PTPRD: variants seen among roughly 807,000 people sequenced by gnomAD.
PTPRD encodes receptor-type tyrosine-protein phosphatase delta.
PTPRD carries 34 observed loss-of-function variants against 214.5 expected under a neutral mutation model. The ratio of observed to expected loss-of-function variants is 0.16; its 90% CI spans 0.12 to 0.21. The LOEUF is 0.21. PTPRD is among the 10% of genes least tolerant of loss of function. The pLI, the probability that PTPRD is intolerant of heterozygous loss-of-function variation, is 1.00. For missense variants in PTPRD, 2,545 were observed against 2,398.7 expected, an observed-to-expected ratio of 1.06 and a Z score of -1.27; for synonymous variants, 1,128 against 845.7, an observed-to-expected ratio of 1.33 and a Z score of -5.79.
intron 2 of PTPRD, among the ~76,000 whole-genome samples, chr9:10,586,792 T>C (rs2074026149): frequency 6.6e-6 from 1 of 151,974 alleles, no homozygotes; most frequent in Non-Finnish European, 1.5e-5. Context: ...CAACTTTTTT[T>C]TTTTTTTTTA....
chr9:10,216,544 T>A (rs111539900), intron 3 of PTPRD, among the ~76,000 whole-genome samples: 123 of 152,136 alleles, frequency 8.1e-4, no homozygotes, highest in African/African-American at 2.4e-3. Flanking sequence ...TATTAAATAG[T>A]ATACACATAT....
intron 7 of PTPRD, among the ~76,000 whole-genome samples, chr9:9,725,259 T>C (rs1165451838): frequency 6.6e-6 from 1 of 151,850 alleles, no homozygotes; most frequent in Non-Finnish European, 1.5e-5. Context: ...CCCATGATAG[T>C]GAATAAGTCT....
chr9:9,658,855 T>C (rs2096571291), intron 7 of PTPRD, among the ~76,000 whole-genome samples: 1 of 152,122 alleles, frequency 6.6e-6, no homozygotes, highest in Non-Finnish European at 1.5e-5. Context: ...TTATTATTGC[T>C]TATATTGAAC....
chr9:9,681,916 A>T (rs2097081488), intron 7 of PTPRD, among the ~76,000 whole-genome samples: 1 of 151,870 alleles, frequency 6.6e-6, no homozygotes. Flanking sequence ...ATTTACATTT[A>T]TATAGAAGAT....
chr9:8,856,395 A>C (rs2154544315), intron 11 of PTPRD, among the ~76,000 whole-genome samples: 1 of 152,308 alleles, frequency 6.6e-6, no homozygotes, highest in East Asian at 1.9e-4. Context: ...AAAAGAATAC[A>C]CCAAAGGATA....
At chr9:10,292,781 T>C (rs760145383) in intron 3 of PTPRD, among the ~76,000 whole-genome samples, 40 of 152,064 alleles carry the variant, frequency 2.6e-4, no homozygotes, top group Middle Eastern at 3.4e-3. Context: ...TGTTTTTTTT[T>C]CCACTATTTT....
intron 2 of PTPRD, among the ~76,000 whole-genome samples, chr9:10,502,969 T>C (rs1044955315): frequency 1.3e-5 from 2 of 152,030 alleles, no homozygotes; most frequent in East Asian, 3.9e-4. Context: ...TTCCATTGCA[T>C]TGTCCATCAA....
At chr9:8,969,805 G>T (rs1362069648) in intron 11 of PTPRD, among the ~76,000 whole-genome samples, 1 of 151,936 alleles carries the variant, frequency 6.6e-6, no homozygotes, top group African/African-American at 2.4e-5. Flanking sequence ...GTATAAAAAA[G>T]TAATAAGAAA....
rs192008740 is a variant in PTPRD, at chr9:9,829,146, T to C, written c.-367-62295A>G. ...ATTTATAAGGCATACTAAAGAATAT[T>C]ACGTAGAACATTGTATTAAAAGTTA... On this transcript the variant is annotated intron_variant, in intron 5 of 45. Transcript: ENST00000381196. 3.5e-3 allele frequency among the ~76,000 whole-genome samples: 538 copies of C among 152,006 alleles called. 2 individuals are homozygous for C. Among genetic ancestry groups the C allele is most frequent in the Non-Finnish European group, 4.4e-3 (298 of 67,880 alleles).
intron 8 of PTPRD, among the ~76,000 whole-genome samples, chr9:9,407,532 G>C (rs1395727616): frequency 6.6e-6 from 1 of 151,618 alleles, no homozygotes; most frequent in Non-Finnish European, 1.5e-5. Context: ...AGAAATTTTT[G>C]TCCTATCCTA....
rs560770897 is a variant in PTPRD at position 8,722,820 on chromosome 9, G to C, written c.64+10960C>G. ...TCTGCTTTAAAAGAAAAATAAAACT[G>C]ACCAGAGATAACGAGCTAAAAGCAG... On this transcript the variant is annotated intron_variant, in intron 12 of 45. Coordinates refer to ENST00000381196, the MANE Select transcript of PTPRD (RefSeq NM_002839.4). Among the ~76,000 whole-genome samples the C allele has an allele frequency of 3.3e-5, 5 of 152,270 alleles. No homozygotes were observed. In the East Asian group the frequency reaches 9.7e-4, roughly 29 times the overall value.
chr9:8,604,652 G>C (rs2095092534), intron 14 of PTPRD, among the ~76,000 whole-genome samples: 2 of 152,124 alleles, frequency 1.3e-5, no homozygotes, highest in South Asian at 4.1e-4. Context: ...AGCTAAATCA[G>C]ATAAATATAG....
At chr9:10,493,820 C>T (rs1464670651) in intron 2 of PTPRD, among the ~76,000 whole-genome samples, 1 of 151,894 alleles carries the variant, frequency 6.6e-6, no homozygotes, top group African/African-American at 2.4e-5. Context: ...TTTAAGTGTG[C>T]CATACACACA....
At chr9:10,469,526 A>G (rs946479069) in intron 2 of PTPRD, among the ~76,000 whole-genome samples, 1 of 152,138 alleles carries the variant, frequency 6.6e-6, no homozygotes, top group Non-Finnish European at 1.5e-5. Flanking sequence ...AAACGTGAAA[A>G]GCTCACACTA....
chr9:8,351,338 T>C (rs1172194493), intron 39 of PTPRD, among the ~76,000 whole-genome samples: 1 of 152,214 alleles, frequency 6.6e-6, no homozygotes, highest in African/African-American at 2.4e-5. Context: ...TCAGAATAGT[T>C]CTGAGAAGGA....
intron 14 of PTPRD, among the ~76,000 whole-genome samples, chr9:8,621,806 A>C (rs2095835475): frequency 6.6e-6 from 1 of 151,910 alleles, no homozygotes; most frequent in South Asian, 2.1e-4. Flanking sequence ...CATGCATAAA[A>C]ATTTGAGTGT....
intron 9 of PTPRD, among the ~76,000 whole-genome samples, chr9:9,378,104 A>G (rs906939697): frequency 6.6e-6 from 1 of 152,074 alleles, no homozygotes; most frequent in African/African-American, 2.4e-5. Context: ...CACAGTTCAC[A>G]TTAGGGTTCG....
chr9:10,128,952 T>C (rs1181437043), intron 3 of PTPRD, among the ~76,000 whole-genome samples: 1 of 152,168 alleles, frequency 6.6e-6, no homozygotes, highest in Non-Finnish European at 1.5e-5. Context: ...GCTACTATCA[T>C]CAACATAAAA....
At chr9:8,717,369 T>G (rs57846967) in intron 12 of PTPRD, among the ~76,000 whole-genome samples, 1,776 of 152,282 alleles carry the variant, frequency 0.012, 34 homozygotes, top group African/African-American at 0.04. Flanking sequence ...AGTCAACTCA[T>G]CATGACATCC....
Sources: gnomAD v4.1 joint callset for allele counts (sites outside exome capture counted in the v4.1 genomes callset) on GRCh38, gnomAD v4.1.1 for gene constraint, MANE v1.5 for transcripts, NCBI Gene and HGNC (gene_info 2026-07-23, HGNC 2026-07-21) for gene names.